OPCML: variants seen among roughly 807,000 people sequenced by gnomAD.
The protein encoded by OPCML is opioid-binding protein/cell adhesion molecule.
Under a neutral mutation model 37.8 loss-of-function variants are expected in OPCML, and 13 were observed. The observed-to-expected ratio is 0.34, with a 90% CI of 0.22 to 0.55. OPCML has a LOEUF of 0.55. Among genes scored for constraint, OPCML ranks in the 20% least tolerant of loss-of-function variants. The pLI is 0.91. For synonymous variants in OPCML, 176 were observed against 168.8 expected (o/e 1.04, Z -0.33); for missense variants, 341 against 435.6 (o/e 0.78, Z 1.93).
At chr11:133,207,125 A>AAG (rs1555114631) in intron 1 of OPCML, among the ~76,000 whole-genome samples, 2 of 150,660 alleles carry the variant, frequency 1.3e-5, no homozygotes, top group Non-Finnish European at 3.0e-5. Flanking sequence ...CTACTAAAAA[A>AAG]AAAAAAAAAA....
chr11:132,637,262 T>G (rs940235549), intron 3 of OPCML, among the ~76,000 whole-genome samples: 1 of 152,054 alleles, frequency 6.6e-6, no homozygotes, highest in African/African-American at 2.4e-5. Flanking sequence ...ATTTCCACCG[T>G]TTTTTTCCAA....
At chr11:132,783,709 T>C (rs1947108998) in intron 2 of OPCML, among the ~76,000 whole-genome samples, 1 of 150,400 alleles carries the variant, frequency 6.6e-6, no homozygotes, top group Non-Finnish European at 1.5e-5. Flanking sequence ...TCCTTTCAAT[T>C]AATGTAATTT....
intron 1 of OPCML, among the ~76,000 whole-genome samples, chr11:133,078,905 G>A (rs759039279): frequency 2.2e-4 from 33 of 152,070 alleles, no homozygotes; most frequent in Non-Finnish European, 3.8e-4. Flanking sequence ...GAAATACAAA[G>A]CACCCACCTA....
At chr11:133,494,109 C>A (rs988955353) in intron 1 of OPCML, among the ~76,000 whole-genome samples, 2 of 151,242 alleles carry the variant, frequency 1.3e-5, no homozygotes, top group Non-Finnish European at 2.9e-5. Context: ...GCCAAAAAAA[C>A]ACATAAAAAA....
chr11:133,497,721 T>C (rs1012497156), intron 1 of OPCML, among the ~76,000 whole-genome samples: 13 of 152,276 alleles, frequency 8.5e-5, no homozygotes, highest in African/African-American at 2.9e-4. Flanking sequence ...AAGGCCCCTT[T>C]AAATAGGCAG....
intron 2 of OPCML, among the ~76,000 whole-genome samples, chr11:132,747,816 T>C (rs1369899495): frequency 6.6e-6 from 1 of 152,168 alleles, no homozygotes; most frequent in Non-Finnish European, 1.5e-5. Flanking sequence ...CAATATGCTG[T>C]TTTGGCGACG....
At chr11:132,461,277 A>T (rs1448749563) in intron 4 of OPCML, among the ~76,000 whole-genome samples, 1 of 152,154 alleles carries the variant, frequency 6.6e-6, no homozygotes, top group Non-Finnish European at 1.5e-5. Context: ...GCAACCAAGC[A>T]TATGGAGGAA....
rs1215639503 is a variant in OPCML at position 133,442,765 on chromosome 11, G to C, written c.61+89499C>G. Among the ~76,000 whole-genome samples the C allele has an allele frequency of 7.4e-5, 11 of 149,588 alleles. No individual in the cohort carries two copies. In the East Asian group the frequency reaches 2.2e-3, roughly 29 times the overall value. On this transcript the variant is annotated intron_variant, in intron 1 of 7. Transcript: ENST00000524381. ...TGTGTGTGTGTGTGTGTGTGTGTGT[G>C]TCTTTTTTGAGGGAAGAAGGTAAGA... is the stretch of plus-strand genomic sequence containing the variant.
intron 2 of OPCML, among the ~76,000 whole-genome samples, chr11:132,703,959 T>C (rs768780327): frequency 3.9e-5 from 6 of 152,198 alleles, no homozygotes; most frequent in Non-Finnish European, 8.8e-5. Flanking sequence ...GAAGTAGACC[T>C]GGTGGCTGAG....
intron 1 of OPCML, among the ~76,000 whole-genome samples, chr11:133,198,169 A>G (rs935936374): frequency 2.0e-5 from 3 of 152,226 alleles, no homozygotes; most frequent in African/African-American, 7.2e-5. Context: ...CGATTTTTAT[A>G]TTGATGGATA....
chr11:133,054,736 G>T (rs1032971243), intron 1 of OPCML, among the ~76,000 whole-genome samples: 1 of 152,230 alleles, frequency 6.6e-6, no homozygotes, highest in Non-Finnish European at 1.5e-5. Flanking sequence ...CTAGTGTGGA[G>T]ACCTGAAGTT....
At position 133,172,120 on chromosome 11, in the gene OPCML, A is replaced by G. The variant is rs142915305; in HGVS notation, c.62-229110T>C. ...AAAGTGTCCTTTAAATTATTTTTGA[A>G]ACTCCTTTCTATTGGAGTTGACTTT... On this transcript the variant is annotated intron_variant, in intron 1 of 7. Transcript: ENST00000524381. 3.6e-3 allele frequency among the ~76,000 whole-genome samples: 548 copies of G among 152,224 alleles called. 1 individual carries two copies. The highest frequency in any genetic ancestry group is 6.8e-3 in the Middle Eastern group (2 of 294).
At chr11:133,459,483 C>T (rs1327793133) in intron 1 of OPCML, among the ~76,000 whole-genome samples, 1 of 151,958 alleles carries the variant, frequency 6.6e-6, no homozygotes, top group East Asian at 1.9e-4. Context: ...AAGAGACTCA[C>T]ATTAGATTTA....
intron 1 of OPCML, among the ~76,000 whole-genome samples, chr11:133,488,753 C>T (rs1947587953): frequency 6.6e-6 from 1 of 151,992 alleles, no homozygotes; most frequent in South Asian, 2.1e-4. Context: ...AAAATAAAAA[C>T]CAGAATAGCC....
intron 2 of OPCML, among the ~76,000 whole-genome samples, chr11:132,798,567 T>C (rs954435190): frequency 6.6e-6 from 1 of 152,236 alleles, no homozygotes; most frequent in African/African-American, 2.4e-5. Context: ...TTTCTAATTC[T>C]AGTTCTCTTG....
At chr11:133,514,755 A>C (rs568253703) in intron 1 of OPCML, among the ~76,000 whole-genome samples, 1 of 152,160 alleles carries the variant, frequency 6.6e-6, no homozygotes, top group South Asian at 2.1e-4. Context: ...GTTTAGCTTT[A>C]TGTTTTTGTC....
intron 1 of OPCML, among the ~76,000 whole-genome samples, chr11:133,338,722 A>C (rs577017955): frequency 1.3e-5 from 2 of 152,340 alleles, no homozygotes; most frequent in Non-Finnish European, 2.9e-5. Context: ...TTCCCCAACC[A>C]TCCCTATAAT....
chr11:133,292,521 C>A (rs1237749822), intron 1 of OPCML, among the ~76,000 whole-genome samples: 3 of 152,134 alleles, frequency 2.0e-5, no homozygotes, highest in Non-Finnish European at 4.4e-5. Context: ...AAATCATCAT[C>A]ATAATAATAA....
intron 2 of OPCML, among the ~76,000 whole-genome samples, chr11:132,695,620 A>G (rs1169624413): frequency 1.3e-5 from 2 of 152,190 alleles, no homozygotes; most frequent in Non-Finnish European, 2.9e-5. Context: ...TGTGCACTGT[A>G]TATTTATGTA....
Sources: allele counts gnomAD v4.1 joint callset (sites outside exome capture counted in the v4.1 genomes callset), GRCh38; gene constraint gnomAD v4.1.1; transcripts MANE v1.5; gene names NCBI Gene and HGNC (gene_info 2026-07-23, HGNC 2026-07-21).